SPAG16: variants seen among roughly 807,000 people sequenced by gnomAD.
SPAG16 encodes sperm associated antigen 16.
SPAG16 carries 86 observed loss-of-function variants against 80.4 expected under a neutral mutation model. The observed-to-expected ratio is 1.07, with a 90% confidence interval of 0.90 to 1.28. The LOEUF is 1.28. Among genes scored for constraint, SPAG16 ranks in the 50% most tolerant of loss-of-function variants. The pLI is 0.00. For synonymous variants in SPAG16, 294 were observed against 265.9 expected (o/e 1.11, Z -1.03); for missense variants, 870 against 765.3 (o/e 1.14, Z -1.61).
intron 15 of SPAG16, among the ~76,000 whole-genome samples, chr2:214,348,832 T>C (rs1346930126): frequency 6.6e-6 from 1 of 152,176 alleles, no homozygotes; most frequent in African/African-American, 2.4e-5. Context: ...AAGAATATGG[T>C]AGTGGGTATA....
chr2:213,913,630 T>G (rs2077801082), intron 11 of SPAG16, among the ~76,000 whole-genome samples: 2 of 11,210 alleles, frequency 1.8e-4, no homozygotes, highest in African/African-American at 2.7e-4. Flanking sequence ...TATGTACATG[T>G]ACATATATGT....
intron 14 of SPAG16, among the ~76,000 whole-genome samples, chr2:214,136,201 C>G (rs2125517102): frequency 6.6e-6 from 1 of 152,198 alleles, no homozygotes; most frequent in Middle Eastern, 3.4e-3. Flanking sequence ...ACCTATGACT[C>G]AAAAATCTCT....
intron 10 of SPAG16, among the ~76,000 whole-genome samples, chr2:213,685,579 A>G (rs1013671879): frequency 1.3e-5 from 2 of 152,204 alleles, no homozygotes; most frequent in African/African-American, 2.4e-5. Context: ...TAGGAATGTA[A>G]TACAGGGACT....
chr2:214,386,558 C>T (rs2126118618), intron 15 of SPAG16, among the ~76,000 whole-genome samples: 1 of 152,082 alleles, frequency 6.6e-6, no homozygotes, highest in Non-Finnish European at 1.5e-5. Context: ...AAAATGAGAA[C>T]ACTGTATAAG....
intron 3 of SPAG16, among the ~76,000 whole-genome samples, chr2:213,304,684 C>G (rs943242532): frequency 9.9e-5 from 15 of 152,054 alleles, no homozygotes; most frequent in African/African-American, 3.4e-4. Context: ...AATGAGTTCA[C>G]TGTAGACGTA....
chr2:214,033,130 A>G lies in SPAG16; in HGVS notation c.1527+19053A>G, dbSNP rs540755066. On this transcript the variant is annotated intron_variant, in intron 13 of 15. Coordinates refer to ENST00000331683, the MANE Select transcript of SPAG16 (RefSeq NM_024532.5). ...AAAGCAGAGGGAACCAAATTAAGGT[A>G]ATAATGTGTAATAACTAATAAACCG... Among the ~76,000 whole-genome samples the G allele has an allele frequency of 2.0e-5, 3 of 152,328 alleles. No individual in the cohort carries two copies. The East Asian group carries it at 5.8e-4, about 29-fold the overall frequency.
At chr2:213,388,820 G>C (rs1205867907) in intron 9 of SPAG16, among the ~76,000 whole-genome samples, 2 of 152,132 alleles carry the variant, frequency 1.3e-5, no homozygotes, top group African/African-American at 4.8e-5. Context: ...ACATTGCTGA[G>C]GGAAATTAAA....
At position 213,810,262 on chromosome 2, in the gene SPAG16, T is replaced by G. The variant is rs2072048513; in HGVS notation, c.1071-52223T>G. On this transcript the variant is annotated intron_variant, in intron 10 of 15. Transcript: ENST00000331683. ...CATGGACATTAAGAAGGTCCAGGAT[T>G]TTCTGGTTTAAGAGTATTGGATAAT... 2.6e-5 allele frequency among the ~76,000 whole-genome samples: 4 copies of G among 152,296 alleles called. No homozygotes were observed. The South Asian group carries it at 8.3e-4, about 32-fold the overall frequency.
At chr2:214,371,558 T>G (rs1049024871) in intron 15 of SPAG16, among the ~76,000 whole-genome samples, 1 of 151,118 alleles carries the variant, frequency 6.6e-6, no homozygotes, top group African/African-American at 2.4e-5. Flanking sequence ...AAATAGTATA[T>G]GTTGCTCATT....
intron 10 of SPAG16, among the ~76,000 whole-genome samples, chr2:213,828,926 G>T (rs1317268656): frequency 6.6e-6 from 1 of 152,142 alleles, no homozygotes; most frequent in Non-Finnish European, 1.5e-5. Flanking sequence ...GCTGGAGGAT[G>T]GGTGACACAA....
intron 7 of SPAG16, among the ~76,000 whole-genome samples, chr2:213,363,636 A>T (rs1421059644): frequency 6.6e-6 from 1 of 152,112 alleles, no homozygotes; most frequent in Non-Finnish European, 1.5e-5. Flanking sequence ...TGGGTGGAAA[A>T]TGAGCTAAGA....
intron 10 of SPAG16, among the ~76,000 whole-genome samples, chr2:213,666,240 A>G (rs955097208): frequency 6.6e-6 from 1 of 152,138 alleles, no homozygotes; most frequent in African/African-American, 2.4e-5. Flanking sequence ...GCTTTATTTC[A>G]GGGAGCTCTC....
chr2:214,404,176 CAG>C (rs1398166989), intron 15 of SPAG16, among the ~76,000 whole-genome samples: 1 of 152,124 alleles, frequency 6.6e-6, no homozygotes, highest in African/African-American at 2.4e-5. Context: ...AGATTTGTAT[CAG>C]AGTGTAGAGA....
intron 13 of SPAG16, among the ~76,000 whole-genome samples, chr2:214,073,377 A>T (rs1423114481): frequency 6.6e-6 from 1 of 151,648 alleles, no homozygotes; most frequent in Non-Finnish European, 1.5e-5. Context: ...AGCTGGGATT[A>T]CAGGCGCCCA....
chr2:213,332,121 TAAAC>T (rs752205910), intron 5 of SPAG16, among the ~76,000 whole-genome samples: 12 of 151,838 alleles, frequency 7.9e-5, no homozygotes, highest in East Asian at 5.8e-4. Context: ...TTTGAAAAGA[TAAAC>T]AAAATCAACA....
intron 10 of SPAG16, among the ~76,000 whole-genome samples, chr2:213,563,431 C>T (rs562359859): frequency 6.6e-6 from 1 of 152,322 alleles, no homozygotes; most frequent in South Asian, 2.1e-4. Flanking sequence ...TTAATTTTCT[C>T]ATAGTTCTGG....
chr2:213,635,262 C>T (rs1187828888), intron 10 of SPAG16, among the ~76,000 whole-genome samples: 1 of 152,048 alleles, frequency 6.6e-6, no homozygotes, highest in African/African-American at 2.4e-5. Context: ...GTCTCGATCT[C>T]CTGACCTTGT....
At chr2:214,332,064 C>A (rs1035518580) in intron 15 of SPAG16, among the ~76,000 whole-genome samples, 5 of 152,084 alleles carry the variant, frequency 3.3e-5, no homozygotes, top group Non-Finnish European at 7.4e-5. Flanking sequence ...TCAGCATGGC[C>A]AACATGGTGA....
chr2:214,232,549 T>C lies in SPAG16; in HGVS notation c.1720+83283T>C, dbSNP rs1688769684. On this transcript the variant is annotated intron_variant, in intron 15 of 15. Transcript: ENST00000331683. ...AAATATAAATCATTGCATTCAAATA[T>C]TAACTAAATTACTGCTCACCTCTGA... Among the ~76,000 whole-genome samples the C allele has an allele frequency of 2.0e-5, 3 of 151,890 alleles. No homozygotes were observed. In the South Asian group the frequency reaches 6.2e-4, roughly 32 times the overall value.
Sources: allele counts gnomAD v4.1 joint callset (sites outside exome capture counted in the v4.1 genomes callset), GRCh38; gene constraint gnomAD v4.1.1; transcripts MANE v1.5; gene names NCBI Gene and HGNC (gene_info 2026-07-23, HGNC 2026-07-21).